Variants in IFIT2 observed in about 807,000 individuals in gnomAD.
IFIT2 encodes the protein interferon-induced protein with tetratricopeptide repeats 2.
IFIT2 carries 3 observed loss-of-function variants against 2.5 expected under a neutral mutation model. That is an observed-to-expected ratio of 1.21 (90% CI 0.55 to 3.14). IFIT2 has a LOEUF of 3.14. Ranked by LOEUF, IFIT2 falls within the 30% of genes most tolerant of loss-of-function variation. The probability of loss-of-function intolerance (pLI) is 0.03; values close to 1 mark genes in which losing one functional copy is unlikely to be tolerated. For synonymous variants in IFIT2, 212 were observed against 200.7 expected (o/e 1.06, Z -0.48); for missense variants, 493 against 558.9 (o/e 0.88, Z 1.19).
intron 1 of IFIT2, among the ~76,000 whole-genome samples, chr10:89,303,901 G>A (rs1331924959): frequency 1.3e-5 from 2 of 152,154 alleles, no homozygotes; most frequent in African/African-American, 4.8e-5. Flanking sequence ...GTCATATTCT[G>A]TAGGACTCAC....
chr10:89,305,042 T>G (rs771842569), intron 1 of IFIT2, among the ~76,000 whole-genome samples: 1 of 151,202 alleles, frequency 6.6e-6, no homozygotes, highest in Non-Finnish European at 1.5e-5. Context: ...ATAGAGCAAC[T>G]CAATGAGATG....
chr10:89,308,800 T>G lies in IFIT2; in HGVS notation c.*1425T>G, dbSNP rs117455202. On this transcript the variant is annotated 3_prime_UTR_variant, in exon 2 of 2. Coordinates refer to ENST00000371826, the MANE Select transcript of IFIT2 (RefSeq NM_001547.5). ...ATTCTAACCACTGTAACAACAGTTT[T>G]TGTGTTATTTTCTGTATTAAACATC... The G allele has an allele frequency of 5.0e-4, 76 of 152,378 alleles. 1 individual carries two copies. In the East Asian group the frequency reaches 0.014, roughly 28 times the overall value. The allele number at this position is 152,378 out of a possible 1,614,324, so 9.4% of individuals were successfully genotyped here. A position where few individuals can be genotyped will look rare whatever the true frequency, so the allele number is the denominator to read the frequency against.
chr10:89,302,132 A>T lies in IFIT2; in HGVS notation c.5+4A>T. 1 of 1,613,944 alleles carries T rather than the reference A, an allele frequency of 6.2e-7. No individual in the cohort carries two copies. The highest frequency in any genetic ancestry group is 8.5e-7 in the Non-Finnish European group (1 of 1,179,858). On this transcript the variant is annotated splice_donor_region_variant and intron_variant, in intron 1 of 1. Transcript: ENST00000371826. ...AGAATTGCACTGCAACCATGAGGTA[A>T]ATATTTTCCCTTCGTATTCGGTAGT... is the stretch of plus-strand genomic sequence containing the variant.
At chr10:89,305,217 T>G (rs923687560) in intron 1 of IFIT2, among the ~76,000 whole-genome samples, 1 of 151,564 alleles carries the variant, frequency 6.6e-6, no homozygotes, top group African/African-American at 2.4e-5. Flanking sequence ...TGAGTAAAAA[T>G]TAAGAATGGT....
intron 1 of IFIT2, among the ~76,000 whole-genome samples, chr10:89,304,453 A>T (rs1475323094): frequency 6.6e-6 from 1 of 152,202 alleles, no homozygotes; most frequent in African/African-American, 2.4e-5. Context: ...AGTTAGAAAG[A>T]GGGGTCACAT....
chr10:89,306,177 T>A lies in IFIT2; in HGVS notation c.221T>A (p.Leu74Ter). 2.5e-6 allele frequency: 4 copies of A among 1,614,096 alleles called. No homozygotes were observed. The highest frequency in any genetic ancestry group is 3.4e-6 in the Non-Finnish European group (4 of 1,179,998). Residue 74 changes from leucine to a stop codon, truncating the protein, a stop_gained, in exon 2 of 2, where the codon TTA becomes TAA. Transcript: ENST00000371826. LOFTEE classifies it low-confidence loss of function (END_TRUNC). ...CAAAACGAGGCAGCCCTGGAATGCT[T>A]ACGTAAAGCTGAAGAGTTAATCCAG... ...KGQNEAALEC[L>*]RKAEELIQQE...
chr10:89,304,578 AG>A (rs1237532171), intron 1 of IFIT2, among the ~76,000 whole-genome samples: 2 of 152,180 alleles, frequency 1.3e-5, no homozygotes, highest in Non-Finnish European at 2.9e-5. Flanking sequence ...TCCTGATACA[AG>A]GGTTGCTGTA....
chr10:89,304,770 T>C (rs1388953005), intron 1 of IFIT2, among the ~76,000 whole-genome samples: 1 of 152,100 alleles, frequency 6.6e-6, no homozygotes, highest in Non-Finnish European at 1.5e-5. Context: ...TTTGTTGTTG[T>C]TTTGTTTTGT....
At chr10:89,305,661 G>A (rs1009878266) in intron 1 of IFIT2, among the ~76,000 whole-genome samples, 12 of 152,080 alleles carry the variant, frequency 7.9e-5, no homozygotes, top group South Asian at 4.2e-4. Context: ...AGAGACCCTC[G>A]AAAGCAGAGA....
intron 1 of IFIT2, among the ~76,000 whole-genome samples, chr10:89,303,380 G>A (rs1470902834): frequency 6.6e-6 from 1 of 152,218 alleles, no homozygotes; most frequent in Non-Finnish European, 1.5e-5. Flanking sequence ...GACTGCGGTG[G>A]TAGCATTAGT....
rs929105811 is a variant in IFIT2, at chr10:89,307,515, T to C, written c.*140T>C. Reference sequence around the variant, plus strand: ...CTGGCCATACCACTGGACAGGGTTATGTTAACACCTGAATTGCTGGGTCTT... The same window carrying C: ...CTGGCCATACCACTGGACAGGGTTACGTTAACACCTGAATTGCTGGGTCTT... On this transcript the variant is annotated 3_prime_UTR_variant, in exon 2 of 2. Coordinates refer to ENST00000371826, the MANE Select transcript of IFIT2 (RefSeq NM_001547.5). 4.4e-6 allele frequency: 3 copies of C among 680,296 alleles called. No individual in the cohort carries two copies. Among genetic ancestry groups the C allele is most frequent in the South Asian group, 4.0e-5 (2 of 49,538 alleles). The allele number at this position is 680,296 out of a possible 1,614,324, so 42.1% of individuals were successfully genotyped here.
rs1214712219 is a variant in IFIT2, at chr10:89,307,938, T to C, written c.*563T>C. 1.3e-5 allele frequency: 2 copies of C among 153,172 alleles called. No homozygotes were observed. The highest frequency in any genetic ancestry group is 1.9e-4 in the East Asian group (1 of 5,202). The allele number at this position is 153,172 out of a possible 1,614,324, so 9.5% of individuals were successfully genotyped here. On this transcript the variant is annotated 3_prime_UTR_variant, in exon 2 of 2. Transcript: ENST00000371826. The stretch of plus-strand genomic sequence containing the variant: ...CATCAACCTTGAGTATTCTACACAA[T>C]GTGAATTCAAGTGCCTGATTAATTG...
intron 1 of IFIT2, among the ~76,000 whole-genome samples, chr10:89,305,099 G>C (rs1003304988): frequency 6.6e-6 from 1 of 151,808 alleles, no homozygotes; most frequent in Admixed American, 6.6e-5. Flanking sequence ...GTATGGGGGG[G>C]AGGGGAGGAA....
chr10:89,306,083 G>C lies in IFIT2; in HGVS notation c.127G>C (p.Glu43Gln). ...DFEDKVFYRT[E>Q]FQNREFKATM... is the part of the protein sequence containing the mutation. ...TGAAGACAAAGTATTTTACCGGACT[G>C]AGTTTCAGAATCGTGAATTCAAAGC... The change falls in exon 2 of 2, where the codon GAG becomes CAG. Residue 43 changes from glutamate to glutamine, a missense_variant. Glu to Gln is a conservative substitution (Grantham distance 29, BLOSUM62 2). Transcript: ENST00000371826. 1 of 1,614,150 alleles carries C rather than the reference G, an allele frequency of 6.2e-7. No individual in the cohort carries two copies. The highest frequency in any genetic ancestry group is 1.3e-5 in the African/African-American group (1 of 75,064).
Position 89,306,745 on chromosome 10 carries a change from AG to A in IFIT2, c.790del (p.Asp264ThrfsTer11). 1 of 1,614,174 alleles carries A rather than the reference AG, an allele frequency of 6.2e-7. No individual in the cohort carries two copies. The highest frequency in any genetic ancestry group is 2.2e-5 in the East Asian group (1 of 44,892). ...AGTTTTATCGAAGAAAAGATGAGCC[AG>A]ACAAAGCGATTGAACTGCTTAAAAA... The part of the protein sequence containing the change: ...AKFYRRKDEP[D>X]KAIELLKKAL... On this transcript the variant is annotated frameshift_variant, in exon 2 of 2. Transcript: ENST00000371826. LOFTEE classifies it low-confidence loss of function (END_TRUNC).
Position 89,302,096 on chromosome 10 carries a change from C to T in IFIT2, c.-28C>T. On this transcript the variant is annotated 5_prime_UTR_variant, in exon 1 of 2. Coordinates refer to ENST00000371826, the MANE Select transcript of IFIT2 (RefSeq NM_001547.5). ...GTGCAGCTGCCTGAACCGAGCCCTG[C>T]CGAACAGCTGAGAATTGCACTGCAA... 1 of 1,613,672 alleles carries T rather than the reference C, an allele frequency of 6.2e-7. No individual in the cohort carries two copies.
At chr10:89,302,918 A>G (rs537706629) in intron 1 of IFIT2, among the ~76,000 whole-genome samples, 6 of 151,600 alleles carry the variant, frequency 4.0e-5, no homozygotes, top group Non-Finnish European at 8.8e-5. Flanking sequence ...CTTACTTCCT[A>G]TGAGACACCT....
Position 89,307,421 on chromosome 10 carries a change from G to A in IFIT2, c.*46G>A. 6.9e-7 allele frequency: 1 copy of A among 1,456,188 alleles called. No individual in the cohort carries two copies. The highest frequency in any genetic ancestry group is 9.4e-7 in the Non-Finnish European group (1 of 1,068,462). The allele number at this position is 1,456,188 out of a possible 1,614,324, so 90.2% of individuals were successfully genotyped here. ...ACTAGGCTACTGCTGAAAGGGAGCT[G>A]AAATTCCTCCACCAAGTTGGTATTC... On this transcript the variant is annotated 3_prime_UTR_variant, in exon 2 of 2. Transcript: ENST00000371826.
chr10:89,306,270 A>G lies in IFIT2; in HGVS notation c.314A>G (p.Tyr105Cys). 1.9e-6 allele frequency: 3 copies of G among 1,614,148 alleles called. No individual in the cohort carries two copies. Among genetic ancestry groups the G allele is most frequent in the Non-Finnish European group, 2.5e-6 (3 of 1,180,020 alleles). ...VTWGNYAWVY[Y>C]HMGRLSDVQI... is the part of the protein sequence containing the mutation. ...TGGGGAAACTATGCCTGGGTCTACT[A>G]TCACATGGGCCGACTCTCAGACGTT... The change falls in exon 2 of 2, where the codon TAT becomes TGT. Residue 105 changes from tyrosine to cysteine, a missense_variant. Physicochemically the swap from Tyr to Cys is radical, Grantham distance 194. Coordinates refer to ENST00000371826, the MANE Select transcript of IFIT2 (RefSeq NM_001547.5).
Sources: gnomAD v4.1 joint callset for allele counts (sites outside exome capture counted in the v4.1 genomes callset) on GRCh38, gnomAD v4.1.1 for gene constraint, MANE v1.5 for transcripts, NCBI Gene and HGNC (gene_info 2026-07-23, HGNC 2026-07-21) for gene names.